The following TSPAN9 variants were observed in gnomAD, a reference collection of about 807,000 sequenced individuals.
The protein encoded by TSPAN9 is tetraspanin 9, also known as tetraspanin-9.
TSPAN9 carries 16 observed loss-of-function variants against 31.0 expected under a neutral mutation model. The observed-to-expected ratio is 0.52, with a 90% CI of 0.35 to 0.78. The LOEUF is 0.78. Ranked by LOEUF, TSPAN9 falls within the 30% of genes least tolerant of loss-of-function variation. The probability of loss-of-function intolerance (pLI) is 0.01; values close to 1 mark genes in which losing one functional copy is unlikely to be tolerated. For missense variants in TSPAN9, 272 were observed against 312.5 expected, an observed-to-expected ratio of 0.87 and a Z score of 0.98; for synonymous variants, 145 against 121.6, an observed-to-expected ratio of 1.19 and a Z score of -1.27.
intron 3 of TSPAN9, among the ~76,000 whole-genome samples, chr12:3,233,898 C>T (rs893075514): frequency 2.0e-5 from 3 of 152,130 alleles, no homozygotes; most frequent in African/African-American, 7.2e-5. Flanking sequence ...TGAGTAGCAG[C>T]CAGGTCTCTG....
At chr12:3,229,692 T>C (rs2098389666) in intron 3 of TSPAN9, among the ~76,000 whole-genome samples, 1 of 152,206 alleles carries the variant, frequency 6.6e-6, no homozygotes, top group Non-Finnish European at 1.5e-5. Flanking sequence ...ATCTTCCTGC[T>C]GGGTTTTGCT....
At chr12:3,244,846 C>G (rs2153977494) in intron 3 of TSPAN9, among the ~76,000 whole-genome samples, 1 of 152,292 alleles carries the variant, frequency 6.6e-6, no homozygotes, top group East Asian at 1.9e-4. Flanking sequence ...AGGGTTTTCC[C>G]TGCTGAGGCT....
chr12:3,206,383 C>T (rs535773564), intron 3 of TSPAN9: 223 of 455,982 alleles, frequency 4.9e-4, no homozygotes, highest in African/African-American at 4.0e-3. Flanking sequence ...GCTCGTCCTG[C>T]GCTGAGCATT....
chr12:3,240,177 C>G (rs3782801), intron 3 of TSPAN9, among the ~76,000 whole-genome samples: 70,449 of 151,902 alleles, frequency 0.46, 16,583 homozygotes, highest in Non-Finnish European at 0.5. Context: ...TTTTCCTCCT[C>G]GAGTATTTTA....
At chr12:3,272,547 C>T (rs1336940016) in intron 3 of TSPAN9, among the ~76,000 whole-genome samples, 2 of 151,678 alleles carry the variant, frequency 1.3e-5, no homozygotes, top group Non-Finnish European at 2.9e-5. Context: ...TGAGCCACTG[C>T]GCCCGGCCGT....
intron 2 of TSPAN9, among the ~76,000 whole-genome samples, chr12:3,160,804 A>G (rs1436626259): frequency 6.6e-6 from 1 of 152,166 alleles, no homozygotes. Flanking sequence ...TTTATTATTC[A>G]GTTGTAAGAA....
chr12:3,272,277 CG>C (rs1380298150), intron 3 of TSPAN9, among the ~76,000 whole-genome samples: 1 of 152,072 alleles, frequency 6.6e-6, no homozygotes, highest in Non-Finnish European at 1.5e-5. Context: ...GTGGGGAAGA[CG>C]GGGTGAAGAG....
chr12:3,120,310 G>A (rs536030704), intron 2 of TSPAN9, among the ~76,000 whole-genome samples: 3 of 152,246 alleles, frequency 2.0e-5, no homozygotes, highest in African/African-American at 7.2e-5. Context: ...TCACCTCAGG[G>A]AACACAGCTG....
At chr12:3,193,383 C>A (rs1207175093) in intron 2 of TSPAN9, among the ~76,000 whole-genome samples, 1 of 152,196 alleles carries the variant, frequency 6.6e-6, no homozygotes, top group African/African-American at 2.4e-5. Flanking sequence ...TTTCAGTACT[C>A]CTGGCTGGGG....
intron 2 of TSPAN9, among the ~76,000 whole-genome samples, chr12:3,103,375 C>T (rs1191821984): frequency 1.3e-5 from 2 of 152,224 alleles, no homozygotes; most frequent in Non-Finnish European, 2.9e-5. Context: ...CCATTCCTCA[C>T]GTGCTTATCT....
At chr12:3,087,140 G>A (rs1383485329) in intron 2 of TSPAN9, among the ~76,000 whole-genome samples, 2 of 152,182 alleles carry the variant, frequency 1.3e-5, no homozygotes, top group Non-Finnish European at 2.9e-5. Context: ...TTACATGTGT[G>A]TTGGGTGTGC....
At chr12:3,274,271 A>C (rs973428404) in intron 3 of TSPAN9, among the ~76,000 whole-genome samples, 3 of 152,210 alleles carry the variant, frequency 2.0e-5, no homozygotes, top group Non-Finnish European at 2.9e-5. Flanking sequence ...GAGGGCTGAG[A>C]GCACCATGTC....
chr12:3,176,093 G>C (rs1390720965), intron 2 of TSPAN9, among the ~76,000 whole-genome samples: 1 of 152,206 alleles, frequency 6.6e-6, no homozygotes, highest in African/African-American at 2.4e-5. Flanking sequence ...GCTCTCACGC[G>C]CTTCTGTTCC....
At chr12:3,282,552 T>C (rs1862916883) in intron 8 of TSPAN9, among the ~76,000 whole-genome samples, 1 of 152,238 alleles carries the variant, frequency 6.6e-6, no homozygotes, top group African/African-American at 2.4e-5. Context: ...TACACCACCA[T>C]ACCTGAATGA....
intron 3 of TSPAN9, among the ~76,000 whole-genome samples, chr12:3,246,924 T>A (rs1391366470): frequency 6.6e-6 from 1 of 152,144 alleles, no homozygotes; most frequent in East Asian, 1.9e-4. Context: ...AGTGGCGTCC[T>A]GGGTGAAGTG....
intron 3 of TSPAN9, among the ~76,000 whole-genome samples, chr12:3,210,957 G>T (rs1454280145): frequency 6.6e-6 from 1 of 152,058 alleles, no homozygotes; most frequent in Non-Finnish European, 1.5e-5. Context: ...TGTTGTCCAG[G>T]CTGGTCTCAA....
chr12:3,183,798 G>A (rs779049986), intron 2 of TSPAN9, among the ~76,000 whole-genome samples: 1 of 152,170 alleles, frequency 6.6e-6, no homozygotes, highest in African/African-American at 2.4e-5. Context: ...GAAGACCCGG[G>A]TTCCAGTCTA....
chr12:3,241,549 A>G (rs577041048), intron 3 of TSPAN9, among the ~76,000 whole-genome samples: 1 of 152,390 alleles, frequency 6.6e-6, no homozygotes, highest in Non-Finnish European at 1.5e-5. Context: ...CCAGAAGGAC[A>G]TCAGTAAAGA....
chr12:3,212,013 C>A (rs1228634855), intron 3 of TSPAN9: 2 of 737,360 alleles, frequency 2.7e-6, no homozygotes, highest in East Asian at 2.7e-5. Context: ...TCTCCGTCAC[C>A]CAGGCTGGAG....
Sources: allele counts gnomAD v4.1 joint callset (sites outside exome capture counted in the v4.1 genomes callset), GRCh38; gene constraint gnomAD v4.1.1; transcripts MANE v1.5; gene names NCBI Gene and HGNC (gene_info 2026-07-23, HGNC 2026-07-21).